Variants in USP22 observed in about 807,000 individuals in gnomAD.
USP22 encodes the protein ubiquitin specific peptidase 22.
USP22 carries 22 observed loss-of-function variants against 68.1 expected under a neutral mutation model. The observed-to-expected ratio is 0.32, with a 90% CI of 0.23 to 0.46. USP22 has a LOEUF of 0.46. Among genes scored for constraint, USP22 ranks in the 20% least tolerant of loss-of-function variants. USP22 has a pLI of 1.00. For missense variants in USP22, 433 were observed against 695.8 expected (o/e 0.62, Z 4.25); for synonymous variants, 279 against 274.2 (o/e 1.02, Z -0.17).
intron 5 of USP22, among the ~76,000 whole-genome samples, 184 bp from the exon 6 acceptor site, chr17:21,016,083 G>C (rs1393375398): frequency 6.6e-6 from 1 of 151,268 alleles, no homozygotes; most frequent in African/African-American, 2.5e-5. Flanking sequence ...TGGACTTTTC[G>C]AGTCCTCATA....
At chr17:21,023,119 C>G (rs1464102298) in intron 2 of USP22, among the ~76,000 whole-genome samples, 2 of 152,094 alleles carry the variant, frequency 1.3e-5, no homozygotes, top group East Asian at 3.8e-4. Context: ...TAAGTGGGAG[C>G]TAAACCATTA....
intron 6 of USP22, chr17:21,015,504 C>A: frequency 2.2e-6 from 1 of 461,042 alleles, no homozygotes; most frequent in South Asian, 3.6e-5. Context: ...TCACTGTGAT[C>A]GGTCACTGAG....
chr17:21,033,107 T>G (rs1972312979), intron 1 of USP22, among the ~76,000 whole-genome samples: 1 of 151,970 alleles, frequency 6.6e-6, no homozygotes, highest in Non-Finnish European at 1.5e-5. Context: ...GTGGCACTGT[T>G]TAAGCAGCCC....
At chr17:21,013,076 G>A in intron 6 of USP22, 141 bp from the exon 7 acceptor site, 1 of 628,678 alleles carries the variant, frequency 1.6e-6, no homozygotes. Context: ...CCTCATTTTA[G>A]CAGAGGGTGT....
At chr17:21,011,015 C>T (rs1392391857) in intron 8 of USP22, 136 bp downstream of exon 8, 3 of 1,221,170 alleles carry the variant, frequency 2.5e-6, no homozygotes, top group Middle Eastern at 2.9e-4. Flanking sequence ...CAAGAGACTG[C>T]AGCCAATCCA....
Position 21,042,737 on chromosome 17 carries a change from G to A in USP22, c.99C>T (p.Asn33=), listed in dbSNP as rs868130952. 6 of 1,487,880 alleles carry A rather than the reference G, an allele frequency of 4.0e-6. No homozygotes were observed. The highest frequency in any genetic ancestry group is 1.4e-5 in the African/African-American group (1 of 69,718). 92.2% of individuals were successfully genotyped at this position (1,487,880 alleles called of 1,614,324 possible). Reference sequence around the variant, plus strand: ...AGATGGCCCGCAGGTTCTGCTTCCAGTTGTCCACCTTGAAGCTGCCCAGGT... The same window carrying A: ...AGATGGCCCGCAGGTTCTGCTTCCAATTGTCCACCTTGAAGCTGCCCAGGT... ...CSHLGSFKVD[N]WKQNLRAIYQ... Residue 33 remains asparagine, a synonymous_variant, in exon 1 of 13, where the codon AAC becomes AAT. Transcript: ENST00000261497.
chr17:21,016,469 A>G (rs1015455832), intron 5 of USP22, among the ~76,000 whole-genome samples: 12 of 152,242 alleles, frequency 7.9e-5, no homozygotes, highest in Admixed American at 5.9e-4. Flanking sequence ...GCCTGTGCAA[A>G]TACAGAATTC....
At chr17:21,019,446 G>A (rs1244803731) in intron 3 of USP22, among the ~76,000 whole-genome samples, 1 of 152,180 alleles carries the variant, frequency 6.6e-6, no homozygotes, top group African/African-American at 2.4e-5. Context: ...CTACCCCAAC[G>A]CCAATGCCAA....
chr17:21,022,812 A>AC (rs60269972), intron 2 of USP22, among the ~76,000 whole-genome samples: 19,105 of 150,932 alleles, frequency 0.13, 1,476 homozygotes, highest in Non-Finnish European at 0.18. Flanking sequence ...AAAAAAAAAA[A>AC]ACCAAATGAA....
At chr17:21,039,186 C>T (rs1972395038) in intron 1 of USP22, among the ~76,000 whole-genome samples, 2 of 151,654 alleles carry the variant, frequency 1.3e-5, no homozygotes, top group African/African-American at 2.4e-5. Flanking sequence ...CTCCTGACCT[C>T]GTGATCCGCC....
At chr17:21,038,946 T>C (rs922519919) in intron 1 of USP22, among the ~76,000 whole-genome samples, 6 of 152,020 alleles carry the variant, frequency 3.9e-5, no homozygotes, top group South Asian at 2.1e-4. Flanking sequence ...TCCTAAATCA[T>C]GGAAATAGTT....
rs901147606 is a variant in USP22, at chr17:21,000,123, C to T, written c.*2908G>A. The T allele has an allele frequency of 6.6e-6, 1 of 152,262 alleles. No homozygotes were observed. The highest frequency in any genetic ancestry group is 1.5e-5 in the Non-Finnish European group (1 of 68,070). The allele number at this position is 152,262 out of a possible 1,614,324, so 9.4% of individuals were successfully genotyped here. ...CTCCAAAATGCAGGCCATTTTAACA[C>T]TGCTGTGAATGTGCTGGGGTCACCA... On this transcript the variant is annotated 3_prime_UTR_variant, in exon 13 of 13. Coordinates refer to ENST00000261497, the MANE Select transcript of USP22 (RefSeq NM_015276.2).
At position 21,042,979 on chromosome 17, in the gene USP22, G is replaced by A. The variant is rs576806536; in HGVS notation, c.-144C>T. On this transcript the variant is annotated 5_prime_UTR_variant, in exon 1 of 13. Coordinates refer to ENST00000261497, the MANE Select transcript of USP22 (RefSeq NM_015276.2). ...CAAAGCGCGGAGGCCGGACAAAGAT[G>A]GGGCTGCGCGATCGCCGAGGGGAGG... 5 of 413,722 alleles carry A rather than the reference G, an allele frequency of 1.2e-5. No individual in the cohort carries two copies. Among genetic ancestry groups the A allele is most frequent in the East Asian group, 4.6e-5 (1 of 21,654 alleles). The allele number at this position is 413,722 out of a possible 1,614,324, so 25.6% of individuals were successfully genotyped here. A position where few individuals can be genotyped will look rare whatever the true frequency, so the allele number is the denominator to read the frequency against.
intron 1 of USP22, among the ~76,000 whole-genome samples, chr17:21,028,938 C>T (rs1285545776): frequency 1.3e-5 from 2 of 152,132 alleles, no homozygotes; most frequent in Non-Finnish European, 1.5e-5. Context: ...CGGGGATGTT[C>T]CCCCACCTCC....
intron 1 of USP22, among the ~76,000 whole-genome samples, chr17:21,035,515 CA>C (rs397713970): frequency 1.4e-5 from 2 of 147,332 alleles, no homozygotes; most frequent in Admixed American, 6.7e-5. Context: ...GGAAATAGGA[CA>C]AAAAAAAAAC....
intron 1 of USP22, among the ~76,000 whole-genome samples, chr17:21,031,776 T>C (rs1277740877): frequency 6.6e-6 from 1 of 152,194 alleles, no homozygotes; most frequent in African/African-American, 2.4e-5. Context: ...CACTCCATTA[T>C]GGTCTATCTC....
At chr17:21,023,680 G>C (rs1597696668) in intron 2 of USP22, among the ~76,000 whole-genome samples, 1 of 150,208 alleles carries the variant, frequency 6.7e-6, no homozygotes, top group East Asian at 1.9e-4. Context: ...GGAGAGTGGG[G>C]CTTAAATCCA....
chr17:21,015,647 T>C (rs565670153), intron 6 of USP22, 105 bp downstream of exon 6: 33 of 1,399,558 alleles, frequency 2.4e-5, no homozygotes, highest in Non-Finnish European at 2.9e-5. Context: ...CAATGGAATG[T>C]GTCACCTGTG....
At chr17:21,019,723 T>C (rs1972130700) in intron 3 of USP22, among the ~76,000 whole-genome samples, 1 of 152,272 alleles carries the variant, frequency 6.6e-6, no homozygotes, top group South Asian at 2.1e-4. Flanking sequence ...GCACACCCTA[T>C]GCGCTCAGAA....
Sources: gnomAD v4.1 joint callset for allele counts (sites outside exome capture counted in the v4.1 genomes callset) on GRCh38, gnomAD v4.1.1 for gene constraint, MANE v1.5 for transcripts, NCBI Gene and HGNC (gene_info 2026-07-23, HGNC 2026-07-21) for gene names.